The following UNC5C variants were observed in gnomAD, a reference collection of about 807,000 sequenced individuals.
The protein encoded by UNC5C is unc-5 netrin receptor C, also known as netrin receptor UNC5C.
UNC5C carries 47 observed loss-of-function variants against 99.8 expected under a neutral mutation model. The observed-to-expected ratio is 0.47, with a 90% CI of 0.37 to 0.60. The LOEUF is 0.60. UNC5C is among the 20% of genes least tolerant of loss of function. The pLI is 0.00. For synonymous variants in UNC5C, 487 were observed against 452.2 expected, an observed-to-expected ratio of 1.08 and a Z score of -0.98; for missense variants, 1,062 against 1,165.9, an observed-to-expected ratio of 0.91 and a Z score of 1.30.
At position 95,237,694 on chromosome 4, in the gene UNC5C, G is replaced by A. The variant is rs1406715226; in HGVS notation, c.1108+4735C>T. ...TATTACTTAGGTATAATGGGAAATG[G>A]AATTGAATAAAGAATAGCCCAATCA... On this transcript the variant is annotated intron_variant, in intron 7 of 15. Coordinates refer to ENST00000453304, the MANE Select transcript of UNC5C (RefSeq NM_003728.4). Among the ~76,000 whole-genome samples the A allele has an allele frequency of 6.6e-5, 10 of 152,162 alleles. No homozygotes were observed. In the South Asian group the frequency reaches 1.7e-3, roughly 25 times the overall value.
intron 1 of UNC5C, among the ~76,000 whole-genome samples, chr4:95,470,044 G>T (rs1747918423): frequency 6.6e-6 from 1 of 152,024 alleles, no homozygotes; most frequent in Admixed American, 6.6e-5. Context: ...TCTTTGGATT[G>T]CAAATAGTAC....
chr4:95,443,176 C>G (rs1006045545), intron 1 of UNC5C, among the ~76,000 whole-genome samples: 5 of 152,090 alleles, frequency 3.3e-5, no homozygotes, highest in African/African-American at 1.2e-4. Context: ...ATATGGCAAG[C>G]AGGTTGGATA....
At chr4:95,334,929 A>C (rs1331534719) in intron 2 of UNC5C, among the ~76,000 whole-genome samples, 1 of 152,038 alleles carries the variant, frequency 6.6e-6, no homozygotes, top group African/African-American at 2.4e-5. Flanking sequence ...GTAAGTTATG[A>C]GTATAAGATA....
Position 95,393,850 on chromosome 4 carries a change from GT to G in UNC5C, c.125-58220del, listed in dbSNP as rs10638203. ...AATAGTAATTCTTATACAATCTACTGTTTTTTTTTTTTTAAAAAAAAACAGA... is the reference window on the plus strand; with the variant it reads ...AATAGTAATTCTTATACAATCTACTGTTTTTTTTTTTTAAAAAAAAACAGA... On this transcript the variant is annotated intron_variant, in intron 1 of 15. Transcript: ENST00000453304. 2.9e-3 allele frequency among the ~76,000 whole-genome samples: 391 copies of G among 133,770 alleles called. 3 individuals are homozygous for G. The highest frequency in any genetic ancestry group is 9.5e-3 in the African/African-American group (313 of 32,860). 87.8% of individuals were successfully genotyped at this position (133,770 alleles called of 152,430 possible). A position where few individuals can be genotyped will look rare whatever the true frequency, so the allele number is the denominator to read the frequency against.
At chr4:95,279,832 T>C (rs991573792) in intron 3 of UNC5C, among the ~76,000 whole-genome samples, 1 of 152,042 alleles carries the variant, frequency 6.6e-6, no homozygotes, top group African/African-American at 2.4e-5. Context: ...ACTGGTTTCA[T>C]GGCAGATAAT....
At chr4:95,354,461 ACTCTTC>A (rs1456812271) in intron 1 of UNC5C, among the ~76,000 whole-genome samples, 112 of 122,538 alleles carry the variant, frequency 9.1e-4, no homozygotes, top group African/African-American at 3.9e-3. Context: ...ATTTTACCTA[ACTCTTC>A]CATATATATA....
chr4:95,318,223 C>T (rs752869284), intron 2 of UNC5C, among the ~76,000 whole-genome samples: 1 of 151,958 alleles, frequency 6.6e-6, no homozygotes, highest in Non-Finnish European at 1.5e-5. Flanking sequence ...AAGAGACACA[C>T]AGAGAGGAAG....
At chr4:95,218,247 G>C (rs1459759398) in intron 9 of UNC5C, among the ~76,000 whole-genome samples, 1 of 152,174 alleles carries the variant, frequency 6.6e-6, no homozygotes, top group Non-Finnish European at 1.5e-5. Context: ...ATGGTTCCAA[G>C]CTCATTACTA....
At chr4:95,488,000 T>A (rs1721374406) in intron 1 of UNC5C, among the ~76,000 whole-genome samples, 1 of 151,764 alleles carries the variant, frequency 6.6e-6, no homozygotes, top group African/African-American at 2.4e-5. Flanking sequence ...TCTTCAAAAC[T>A]TTTCGGATGT....
At chr4:95,419,759 G>A (rs1746265696) in intron 1 of UNC5C, among the ~76,000 whole-genome samples, 1 of 151,888 alleles carries the variant, frequency 6.6e-6, no homozygotes, top group South Asian at 2.1e-4. Flanking sequence ...ATAGACTGAT[G>A]CTTTTCTGGT....
chr4:95,454,625 G>A (rs1747378875), intron 1 of UNC5C, among the ~76,000 whole-genome samples: 1 of 152,168 alleles, frequency 6.6e-6, no homozygotes, highest in Middle Eastern at 3.4e-3. Flanking sequence ...ACAAGCAAGT[G>A]GGATTTGTGG....
intron 4 of UNC5C, among the ~76,000 whole-genome samples, chr4:95,271,676 GT>G (rs1018550244): frequency 3.3e-5 from 5 of 152,088 alleles, no homozygotes; most frequent in African/African-American, 1.2e-4. Context: ...ACCCATAAAG[GT>G]GTCCCTAAAT....
At chr4:95,495,487 G>A (rs1263935014) in intron 1 of UNC5C, among the ~76,000 whole-genome samples, 11 of 151,600 alleles carry the variant, frequency 7.3e-5, no homozygotes, top group Non-Finnish European at 1.5e-4. Context: ...ATTTGGAATT[G>A]AGTTGCACAT....
intron 1 of UNC5C, among the ~76,000 whole-genome samples, chr4:95,457,814 A>T (rs932595172): frequency 6.6e-6 from 1 of 152,144 alleles, no homozygotes; most frequent in African/African-American, 2.4e-5. Context: ...TTTACAACAC[A>T]AGAAACTGAA....
intron 14 of UNC5C, among the ~76,000 whole-genome samples, chr4:95,174,029 A>G (rs1736233287): frequency 6.6e-6 from 1 of 152,122 alleles, no homozygotes; most frequent in African/African-American, 2.4e-5. Context: ...TTATTTGCAT[A>G]GAGGTGTTTG....
chr4:95,354,954 A>C (rs969103959), intron 1 of UNC5C, among the ~76,000 whole-genome samples: 2 of 152,186 alleles, frequency 1.3e-5, no homozygotes, highest in Non-Finnish European at 2.9e-5. Flanking sequence ...GCTGTTATGC[A>C]TCTTTGCATA....
intron 12 of UNC5C, 44 bp from the exon 13 acceptor site, chr4:95,185,240 A>G: frequency 6.4e-7 from 1 of 1,560,966 alleles, no homozygotes; most frequent in Non-Finnish European, 8.6e-7. Flanking sequence ...ATTGATTTGG[A>G]TCACTTCTGT....
chr4:95,179,746 CAAAAAAAAAA>C (rs33974336), intron 14 of UNC5C, among the ~76,000 whole-genome samples: 1 of 98,528 alleles, frequency 1.0e-5, no homozygotes, highest in African/African-American at 4.8e-5. Context: ...GACTCCTTCT[CAAAAAAAAAA>C]AAAAAAAAAG....
intron 1 of UNC5C, among the ~76,000 whole-genome samples, chr4:95,533,856 T>C (rs539767938): frequency 2.0e-5 from 3 of 152,300 alleles, no homozygotes; most frequent in African/African-American, 7.2e-5. Context: ...TCTCATATTT[T>C]TTGTTGTTTT....
Sources: gnomAD v4.1 joint callset for allele counts (sites outside exome capture counted in the v4.1 genomes callset) on GRCh38, gnomAD v4.1.1 for gene constraint, MANE v1.5 for transcripts, NCBI Gene and HGNC (gene_info 2026-07-23, HGNC 2026-07-21) for gene names.